CUX2: variants seen among roughly 807,000 people sequenced by gnomAD.
CUX2 encodes cut like homeobox 2, also known as homeobox protein cut-like 2.
In CUX2, 40 loss-of-function variants were observed where a neutral mutation model predicts 144.8. The observed-to-expected ratio is 0.28, with a 90% CI of 0.21 to 0.36. The LOEUF (loss-of-function observed/expected upper bound fraction) is 0.36. CUX2 is among the 10% of genes least tolerant of loss of function. CUX2 has a pLI of 1.00. For synonymous variants in CUX2, 827 were observed against 875.6 expected (o/e 0.94, Z 0.98); for missense variants, 1,615 against 1,994.0 (o/e 0.81, Z 3.62).
At chr12:111,220,910 T>A (rs530238279) in intron 3 of CUX2, among the ~76,000 whole-genome samples, 1 of 134,754 alleles carries the variant, frequency 7.4e-6, no homozygotes, top group African/African-American at 2.9e-5. Flanking sequence ...CTTTCTAGTA[T>A]GGGCAACAGA....
At chr12:111,315,802 T>G (rs1048105226) in intron 16 of CUX2, among the ~76,000 whole-genome samples, 1 of 152,114 alleles carries the variant, frequency 6.6e-6, no homozygotes, top group Non-Finnish European at 1.5e-5. Flanking sequence ...GGAAGATCGC[T>G]TAAACCCAGG....
intron 4 of CUX2, among the ~76,000 whole-genome samples, chr12:111,265,262 C>T (rs1174083329): frequency 2.6e-5 from 4 of 151,964 alleles, no homozygotes; most frequent in African/African-American, 9.7e-5. Context: ...AGGATCTATA[C>T]ATATGCCAGA....
rs1395628957 is a variant in CUX2, at chr12:111,186,026, C to G, written c.64-28174C>G. ...CTGTCTTCAGACTCTGTTTTCTGGT[C>G]CTCTCTCTTTCACTCTCACTCTCTC... On this transcript the variant is annotated intron_variant, in intron 1 of 21. Transcript: ENST00000261726. This position sits in a 1 kb window ranked among gnomAD's most constrained non-coding sequence, Gnocchi z 4.4. Among the ~76,000 whole-genome samples the G allele has an allele frequency of 2.0e-5, 3 of 151,642 alleles. No homozygotes were observed. The highest frequency in any genetic ancestry group is 7.3e-5 in the African/African-American group (3 of 41,216).
chr12:111,061,974 T>C lies in CUX2; in HGVS notation c.63+27734T>C, dbSNP rs1056833738. ...TCAGCTTCCTCGCCTGTGAAATAGG[T>C]CGCCTCGCAGCCTCACTCACAGGGA... On this transcript the variant is annotated intron_variant, in intron 1 of 21. Coordinates refer to ENST00000261726, the MANE Select transcript of CUX2 (RefSeq NM_015267.4). This position sits in a 1 kb window ranked among gnomAD's most constrained non-coding sequence, Gnocchi z 4.2. Among the ~76,000 whole-genome samples, 17 of 152,158 alleles carry C rather than the reference T, an allele frequency of 1.1e-4. No individual in the cohort carries two copies. The highest frequency in any genetic ancestry group is 4.1e-4 in the African/African-American group (17 of 41,440).
intron 3 of CUX2, among the ~76,000 whole-genome samples, chr12:111,245,606 C>T (rs1264441969): frequency 1.3e-5 from 2 of 151,958 alleles, no homozygotes; most frequent in East Asian, 1.9e-4. Flanking sequence ...GGCAACAGAG[C>T]GAGACCCTGT....
chr12:111,040,285 TAAAAAAAAAAAACG>T (rs1199466745), intron 1 of CUX2, among the ~76,000 whole-genome samples: 1 of 142,742 alleles, frequency 7.0e-6, no homozygotes, highest in Non-Finnish European at 1.5e-5. Flanking sequence ...AGACCCTGTT[TAAAAAAAAAAAACG>T]GAAAAAAATA....
In CUX2 at chr12:111,068,564, T is replaced by C. The variant is rs1254164075; in HGVS notation, c.63+34324T>C. On this transcript the variant is annotated intron_variant, in intron 1 of 21. Coordinates refer to ENST00000261726, the MANE Select transcript of CUX2 (RefSeq NM_015267.4). This position sits in a 1 kb window ranked among gnomAD's most constrained non-coding sequence, Gnocchi z 4.9. ...CGGGGACCCAGGAGCGCATCCATTT[T>C]CTGAGGAGATGAAAAGCGATGCTGG... 6.6e-6 allele frequency among the ~76,000 whole-genome samples: 1 copy of C among 152,238 alleles called. No homozygotes were observed. Among genetic ancestry groups the C allele is most frequent in the Non-Finnish European group, 1.5e-5 (1 of 68,040 alleles).
chr12:111,289,292 C>T lies in CUX2; in HGVS notation c.302-2126C>T, dbSNP rs1885556637. 1.3e-5 allele frequency among the ~76,000 whole-genome samples: 2 copies of T among 152,072 alleles called. No individual in the cohort carries two copies. Among genetic ancestry groups the T allele is most frequent in the African/African-American group, 2.4e-5 (1 of 41,414 alleles). The stretch of plus-strand genomic sequence containing the variant: ...CTGCACCTGCTGGGGCTGTCAAGAG[C>T]AGGCACTAGGACAGGAGGCCTTTGT... On this transcript the variant is annotated intron_variant, in intron 4 of 21. Coordinates refer to ENST00000261726, the MANE Select transcript of CUX2 (RefSeq NM_015267.4). The surrounding 1 kb of genome is among the most constrained non-coding windows in gnomAD (Gnocchi z 4.1).
chr12:111,110,067 G>C lies in CUX2; in HGVS notation c.63+75827G>C, dbSNP rs556759084. On this transcript the variant is annotated intron_variant, in intron 1 of 21. Coordinates refer to ENST00000261726, the MANE Select transcript of CUX2 (RefSeq NM_015267.4). ...ATTTTTTTTTTTTTTTTTTTAAGTAGAGACGAGGTCTTGCTTTGTTGTCCA... is the reference window on the plus strand; with the variant it reads ...ATTTTTTTTTTTTTTTTTTTAAGTACAGACGAGGTCTTGCTTTGTTGTCCA... 2.0e-4 allele frequency among the ~76,000 whole-genome samples: 30 copies of C among 146,786 alleles called. No individual in the cohort carries two copies. In the South Asian group the frequency reaches 6.3e-3, roughly 31 times the overall value.
chr12:111,264,915 C>T (rs758012774), intron 4 of CUX2, among the ~76,000 whole-genome samples: 6 of 151,970 alleles, frequency 3.9e-5, no homozygotes, highest in South Asian at 2.1e-4. Flanking sequence ...GTTGGTTGCC[C>T]GGGGCTGGGG....
intron 16 of CUX2, among the ~76,000 whole-genome samples, chr12:111,317,777 T>C (rs974239289): frequency 2.6e-5 from 4 of 152,072 alleles, no homozygotes; most frequent in African/African-American, 9.7e-5. Context: ...GGGCAGATCA[T>C]TTGAGCTCAG....
intron 3 of CUX2, among the ~76,000 whole-genome samples, chr12:111,234,719 T>A (rs1882648244): frequency 6.7e-6 from 1 of 149,976 alleles, no homozygotes; most frequent in Non-Finnish European, 1.5e-5. Context: ...CCCCTTTCTT[T>A]TTTTTTTTTT....
chr12:111,123,675 A>G (rs1045647831), intron 1 of CUX2, among the ~76,000 whole-genome samples: 2 of 152,072 alleles, frequency 1.3e-5, no homozygotes, highest in African/African-American at 4.8e-5. Flanking sequence ...AACTGAGACT[A>G]TAGGTACATA....
chr12:111,191,441 C>T (rs1308828425), intron 1 of CUX2, among the ~76,000 whole-genome samples: 2 of 152,150 alleles, frequency 1.3e-5, no homozygotes, highest in African/African-American at 2.4e-5. Context: ...AAGCAATCCT[C>T]CTGCCTCAGC....
At chr12:111,298,111 G>A (rs1886103014) in intron 8 of CUX2, among the ~76,000 whole-genome samples, 1 of 152,204 alleles carries the variant, frequency 6.6e-6, no homozygotes, top group African/African-American at 2.4e-5. Context: ...TGCTAACAGA[G>A]GGGATGCCTC....
intron 1 of CUX2, among the ~76,000 whole-genome samples, chr12:111,086,711 T>C (rs1331866084): frequency 6.6e-6 from 1 of 152,170 alleles, no homozygotes; most frequent in Non-Finnish European, 1.5e-5. Context: ...TTCCTCTTCT[T>C]TAAAATGGGG....
rs571662074 is a variant in CUX2 at position 111,068,998 on chromosome 12, C to T, written c.63+34758C>T. Among the ~76,000 whole-genome samples, 4 of 152,166 alleles carry T rather than the reference C, an allele frequency of 2.6e-5. No homozygotes were observed. Among genetic ancestry groups the T allele is most frequent in the East Asian group, 1.9e-4 (1 of 5,168 alleles). Reference sequence around the variant, plus strand: ...GCCTGTACCTGTAATCTCAGCTACTCGGGAGGCTGAGGCAGGAGAATTGCT... The same window carrying T: ...GCCTGTACCTGTAATCTCAGCTACTTGGGAGGCTGAGGCAGGAGAATTGCT... On this transcript the variant is annotated intron_variant, in intron 1 of 21. Coordinates refer to ENST00000261726, the MANE Select transcript of CUX2 (RefSeq NM_015267.4). The surrounding 1 kb of genome is among the most constrained non-coding windows in gnomAD (Gnocchi z 4.9).
chr12:111,318,000 A>G (rs1887281219), intron 16 of CUX2, among the ~76,000 whole-genome samples: 1 of 136,446 alleles, frequency 7.3e-6, no homozygotes, highest in South Asian at 2.2e-4. Context: ...ACTCAGTCAA[A>G]AAGAAAAAAG....
intron 1 of CUX2, among the ~76,000 whole-genome samples, chr12:111,097,830 G>A (rs1398034581): frequency 1.3e-5 from 2 of 152,228 alleles, no homozygotes; most frequent in African/African-American, 4.8e-5. Context: ...GTGGGCATTG[G>A]CACAGAGAAC....
Sources: gnomAD v4.1 joint callset for allele counts (sites outside exome capture counted in the v4.1 genomes callset) on GRCh38, gnomAD v4.1.1 for gene constraint, Gnocchi (gnomAD v3.1) non-coding constraint, MANE v1.5 for transcripts, NCBI Gene and HGNC (gene_info 2026-07-23, HGNC 2026-07-21) for gene names.